The following CRACR2A variants were observed in gnomAD, a reference collection of about 807,000 sequenced individuals.
The protein encoded by CRACR2A is EF-hand calcium-binding domain-containing protein 4B.
CRACR2A carries 79 observed loss-of-function variants against 90.5 expected under a neutral mutation model. The observed-to-expected ratio is 0.87, with a 90% CI of 0.73 to 1.05. The LOEUF is 1.05. Ranked by LOEUF, CRACR2A falls within the 50% of genes least tolerant of loss-of-function variation. CRACR2A has a pLI of 0.00. For synonymous variants in CRACR2A, 338 were observed against 356.7 expected (o/e 0.95, Z 0.59); for missense variants, 823 against 897.2 (o/e 0.92, Z 1.06).
At chr12:3,698,937 C>T (rs1410809599) in intron 3 of CRACR2A, among the ~76,000 whole-genome samples, 1 of 152,112 alleles carries the variant, frequency 6.6e-6, no homozygotes, top group African/African-American at 2.4e-5. Context: ...GTCTCTGCAC[C>T]CAAGAGGCCC....
At chr12:3,745,433 C>A (rs1317034007) in intron 1 of CRACR2A, among the ~76,000 whole-genome samples, 2 of 152,094 alleles carry the variant, frequency 1.3e-5, no homozygotes, top group African/African-American at 2.4e-5. Flanking sequence ...ACAAAACCTG[C>A]CTTGGGAAGA....
At chr12:3,722,892 T>C (rs1946204918) in intron 2 of CRACR2A, among the ~76,000 whole-genome samples, 1 of 152,218 alleles carries the variant, frequency 6.6e-6, no homozygotes, top group Non-Finnish European at 1.5e-5. Context: ...TCTCATCCCA[T>C]CTCAGTCACT....
chr12:3,676,550 C>A (rs1325357860), intron 6 of CRACR2A, among the ~76,000 whole-genome samples: 3 of 152,152 alleles, frequency 2.0e-5, no homozygotes, highest in Non-Finnish European at 4.4e-5. Context: ...GCACTAGTGC[C>A]CTTATAAAAG....
chr12:3,685,589 G>T (rs1476140560), intron 4 of CRACR2A, among the ~76,000 whole-genome samples: 1 of 152,206 alleles, frequency 6.6e-6, no homozygotes, highest in Non-Finnish European at 1.5e-5. Context: ...CGATACAGAT[G>T]AACCTTGAGG....
intron 7 of CRACR2A, among the ~76,000 whole-genome samples, chr12:3,666,374 C>CGTGT (rs1565481747): frequency 3.4e-4 from 46 of 137,158 alleles, no homozygotes; most frequent in African/African-American, 1.5e-3. Context: ...TGCGCGTGCG[C>CGTGT]GCGCACGCGC....
chr12:3,727,202 G>A (rs1475375233), intron 2 of CRACR2A: 1 of 151,476 alleles, frequency 6.6e-6, no homozygotes, highest in Non-Finnish European at 1.5e-5. Flanking sequence ...TTATAGTATG[G>A]GCGGTGAGAA....
intron 18 of CRACR2A, 37 bp from the exon 19 acceptor site, chr12:3,617,067 G>T: frequency 1.3e-6 from 2 of 1,488,122 alleles, no homozygotes; most frequent in Non-Finnish European, 1.8e-6. Context: ...AAGAGTATTG[G>T]AGTGAGAGGG....
At chr12:3,745,810 TAAAATAAAATA>T (rs1255447046) in intron 1 of CRACR2A, among the ~76,000 whole-genome samples, 20 of 4,780 alleles carry the variant, frequency 4.2e-3, no homozygotes, top group Admixed American at 8.1e-3. Flanking sequence ...TAAAATAAAA[TAAAATAAAATA>T]AAATAAAGAA....
At chr12:3,670,624 A>T (rs996479053) in intron 7 of CRACR2A, among the ~76,000 whole-genome samples, 61 of 152,174 alleles carry the variant, frequency 4.0e-4, no homozygotes, top group African/African-American at 1.3e-3. Flanking sequence ...ACCTTTTTTT[A>T]AAAAATAGAA....
At chr12:3,628,000 TC>T in intron 15 of CRACR2A, among the ~76,000 whole-genome samples, 2 of 120,708 alleles carry the variant, frequency 1.7e-5, no homozygotes, top group African/African-American at 6.3e-5. Flanking sequence ...ACTCTTTCTT[TC>T]CCTCCCTCCC....
At chr12:3,741,644 T>A (rs1262471496) in intron 1 of CRACR2A, among the ~76,000 whole-genome samples, 1 of 152,062 alleles carries the variant, frequency 6.6e-6, no homozygotes, top group Non-Finnish European at 1.5e-5. Context: ...ACGCTCTTCC[T>A]CCCTCACACC....
chr12:3,696,241 C>G (rs1048630039), intron 4 of CRACR2A, among the ~76,000 whole-genome samples: 1 of 152,164 alleles, frequency 6.6e-6, no homozygotes, highest in African/African-American at 2.4e-5. Flanking sequence ...AAAAGGCTGC[C>G]GGGCCCTGCA....
At chr12:3,623,776 T>A (rs1463679795) in intron 17 of CRACR2A, among the ~76,000 whole-genome samples, 1 of 152,112 alleles carries the variant, frequency 6.6e-6, no homozygotes, top group Non-Finnish European at 1.5e-5. Flanking sequence ...AAGGTAAAGT[T>A]GCCTAGACTG....
intron 4 of CRACR2A, among the ~76,000 whole-genome samples, chr12:3,681,094 C>T (rs930560191): frequency 1.3e-5 from 2 of 152,190 alleles, no homozygotes; most frequent in African/African-American, 4.8e-5. Flanking sequence ...CTGCTGGAGG[C>T]CCCTGGTGTC....
chr12:3,751,673 C>T (rs528860499), intron 1 of CRACR2A, among the ~76,000 whole-genome samples: 97 of 152,296 alleles, frequency 6.4e-4, no homozygotes, highest in Admixed American at 1.6e-3. Flanking sequence ...AGTGCCACAT[C>T]CAGGACGCCC....
At chr12:3,669,985 C>T (rs1339245805) in intron 7 of CRACR2A, among the ~76,000 whole-genome samples, 1 of 152,204 alleles carries the variant, frequency 6.6e-6, no homozygotes, top group African/African-American at 2.4e-5. Flanking sequence ...CATGGCAACG[C>T]TGTCTAATGT....
intron 1 of CRACR2A, among the ~76,000 whole-genome samples, chr12:3,740,357 A>G (rs1191381579): frequency 9.2e-6 from 1 of 108,286 alleles, no homozygotes; most frequent in African/African-American, 3.8e-5. Flanking sequence ...GAAACAGATA[A>G]AGTCAGAGTG....
intron 3 of CRACR2A, among the ~76,000 whole-genome samples, chr12:3,710,322 A>G (rs1169859042): frequency 2.0e-5 from 3 of 152,084 alleles, no homozygotes; most frequent in Non-Finnish European, 4.4e-5. Flanking sequence ...ATCTCACTCT[A>G]TTCCAGCTAA....
chr12:3,702,487 A>G (rs1945848508), intron 3 of CRACR2A, among the ~76,000 whole-genome samples: 1 of 151,698 alleles, frequency 6.6e-6, no homozygotes, highest in African/African-American at 2.4e-5. Context: ...ATGATAATCA[A>G]TTGTATTTAT....
Sources: allele counts gnomAD v4.1 joint callset (sites outside exome capture counted in the v4.1 genomes callset), GRCh38; gene constraint gnomAD v4.1.1; transcripts MANE v1.5; gene names NCBI Gene and HGNC (gene_info 2026-07-23, HGNC 2026-07-21).